The following RHOJ variants were observed in gnomAD, a reference collection of about 807,000 sequenced individuals.
RHOJ encodes the protein rho-related GTP-binding protein RhoJ.
A neutral mutation model predicts 23.4 loss-of-function variants in RHOJ; 11 were observed. The observed-to-expected ratio is 0.47, with a 90% confidence interval of 0.30 to 0.78. The LOEUF is 0.78. Ranked by LOEUF, RHOJ falls within the 30% of genes least tolerant of loss-of-function variation. RHOJ has a pLI of 0.08. For synonymous variants in RHOJ, 102 were observed against 102.7 expected, an observed-to-expected ratio of 0.99 and a Z score of 0.04; for missense variants, 254 against 273.4, an observed-to-expected ratio of 0.93 and a Z score of 0.50.
chr14:63,240,691 C>G (rs1292096765), intron 1 of RHOJ, among the ~76,000 whole-genome samples: 1 of 152,106 alleles, frequency 6.6e-6, no homozygotes, highest in Non-Finnish European at 1.5e-5. Context: ...GTTTTATAAA[C>G]CTGTTATTAA....
At chr14:63,285,824 T>C (rs934791900) in intron 4 of RHOJ, among the ~76,000 whole-genome samples, 4 of 152,162 alleles carry the variant, frequency 2.6e-5, no homozygotes, top group Admixed American at 1.3e-4. Context: ...AGCTCTAAGA[T>C]TGTAATTCTT....
intron 1 of RHOJ, among the ~76,000 whole-genome samples, chr14:63,261,128 GAC>G (rs1895264722): frequency 6.6e-6 from 1 of 152,182 alleles, no homozygotes; most frequent in Non-Finnish European, 1.5e-5. Context: ...CAATTTGAAT[GAC>G]CCAAGGTTGT....
chr14:63,290,868 T>A lies in RHOJ; in HGVS notation c.499-10T>A. 1 of 1,601,682 alleles carries A rather than the reference T, an allele frequency of 6.2e-7. No homozygotes were observed. The highest frequency in any genetic ancestry group is 8.5e-7 in the Non-Finnish European group (1 of 1,174,822). On this transcript the variant is annotated splice_polypyrimidine_tract_variant and intron_variant, in intron 4 of 4. Transcript: ENST00000316754. ...TTATCTCTCATGCCTTTCTCTCTTTTGTGTTTAAGATCGGAGCACAGTGCT... is the reference window on the plus strand; with the variant it reads ...TTATCTCTCATGCCTTTCTCTCTTTAGTGTTTAAGATCGGAGCACAGTGCT...
chr14:63,223,020 A>G (rs1012904901), intron 1 of RHOJ, among the ~76,000 whole-genome samples: 1 of 152,196 alleles, frequency 6.6e-6, no homozygotes, highest in African/African-American at 2.4e-5. Context: ...CAACTCACCT[A>G]TCATTGATGA....
At chr14:63,233,886 C>A (rs374801871) in intron 1 of RHOJ, among the ~76,000 whole-genome samples, 1 of 152,204 alleles carries the variant, frequency 6.6e-6, no homozygotes, top group Non-Finnish European at 1.5e-5. Context: ...AGCTCCCAAC[C>A]GTTCCCAGAA....
At chr14:63,281,485 T>C (rs1340710065) in intron 3 of RHOJ, among the ~76,000 whole-genome samples, 2 of 152,110 alleles carry the variant, frequency 1.3e-5, no homozygotes, top group Non-Finnish European at 2.9e-5. Context: ...TTTTTATATC[T>C]GAAACCCACA....
At chr14:63,258,591 T>A (rs1895221090) in intron 1 of RHOJ, among the ~76,000 whole-genome samples, 1 of 152,134 alleles carries the variant, frequency 6.6e-6, no homozygotes, top group South Asian at 2.1e-4. Context: ...CCACCCAGCT[T>A]CCCTCTCCCC....
chr14:63,276,682 G>A (rs1274194529), intron 2 of RHOJ, among the ~76,000 whole-genome samples: 1 of 152,154 alleles, frequency 6.6e-6, no homozygotes, highest in Non-Finnish European at 1.5e-5. Flanking sequence ...TCAGCTGGAG[G>A]GCCAGGAGGG....
intron 4 of RHOJ, among the ~76,000 whole-genome samples, chr14:63,284,816 C>G (rs977829259): frequency 6.6e-6 from 1 of 152,188 alleles, no homozygotes; most frequent in Admixed American, 6.5e-5. Context: ...CCTAGCCTCA[C>G]TTCTCATTGG....
At chr14:63,239,355 G>A (rs867696803) in intron 1 of RHOJ, among the ~76,000 whole-genome samples, 10 of 151,888 alleles carry the variant, frequency 6.6e-5, no homozygotes, top group South Asian at 2.1e-4. Context: ...CAAGTGATCC[G>A]CCCGCCTCAG....
chr14:63,250,586 C>G (rs1322973598), intron 1 of RHOJ, among the ~76,000 whole-genome samples: 7 of 152,074 alleles, frequency 4.6e-5, no homozygotes, highest in Admixed American at 4.6e-4. Flanking sequence ...TTTTCCTCTG[C>G]CTAGAATGTC....
At chr14:63,243,868 T>C (rs975536999) in intron 1 of RHOJ, among the ~76,000 whole-genome samples, 35 of 152,260 alleles carry the variant, frequency 2.3e-4, no homozygotes, top group East Asian at 7.7e-4. Flanking sequence ...TGAGAGGTCA[T>C]ACACTCTCTT....
In RHOJ at chr14:63,221,611, T is replaced by C. The variant is rs114998343; in HGVS notation, c.178+16564T>C. On this transcript the variant is annotated intron_variant, in intron 1 of 4. Coordinates refer to ENST00000316754, the MANE Select transcript of RHOJ (RefSeq NM_020663.5). ...TGAGAACTGTGTTACGCATCTCCCA[T>C]GGATGTGCCCAAGGAGTTCATTTTA... 8.7e-3 allele frequency among the ~76,000 whole-genome samples: 1,331 copies of C among 152,340 alleles called. 24 individuals carry two copies. The highest frequency in any genetic ancestry group is 0.029 in the African/African-American group (1,225 of 41,578).
At chr14:63,233,151 G>T (rs2139749317) in intron 1 of RHOJ, among the ~76,000 whole-genome samples, 1 of 151,822 alleles carries the variant, frequency 6.6e-6, no homozygotes, top group South Asian at 2.1e-4. Context: ...GCTTGGGAAT[G>T]AAAAAAAAGA....
chr14:63,266,610 C>A (rs1175819836), intron 1 of RHOJ, among the ~76,000 whole-genome samples: 1 of 152,184 alleles, frequency 6.6e-6, no homozygotes, highest in African/African-American at 2.4e-5. Flanking sequence ...TTTCTTCCAG[C>A]AGTGTTTTAT....
chr14:63,230,975 G>A (rs1052422612), intron 1 of RHOJ, among the ~76,000 whole-genome samples: 2 of 148,532 alleles, frequency 1.3e-5, no homozygotes, highest in South Asian at 2.2e-4. Context: ...TGCAACCTCC[G>A]CCTCCTGGGT....
chr14:63,206,938 G>A (rs1164583345), intron 1 of RHOJ, among the ~76,000 whole-genome samples: 4 of 151,988 alleles, frequency 2.6e-5, no homozygotes, highest in African/African-American at 9.7e-5. Flanking sequence ...GTATATAATC[G>A]TCTCATGTGG....
At chr14:63,253,919 G>GT (rs928550590) in intron 1 of RHOJ, among the ~76,000 whole-genome samples, 1 of 152,114 alleles carries the variant, frequency 6.6e-6, no homozygotes, top group Admixed American at 6.5e-5. Flanking sequence ...GGTATGTTCT[G>GT]TTTTTTTCTC....
chr14:63,231,037 C>T (rs530174753), intron 1 of RHOJ, among the ~76,000 whole-genome samples: 37 of 151,854 alleles, frequency 2.4e-4, no homozygotes, highest in African/African-American at 8.5e-4. Flanking sequence ...TACAGGCGCC[C>T]ACCACCATGC....
Sources: gnomAD v4.1 joint callset for allele counts (sites outside exome capture counted in the v4.1 genomes callset) on GRCh38, gnomAD v4.1.1 for gene constraint, MANE v1.5 for transcripts, NCBI Gene and HGNC (gene_info 2026-07-23, HGNC 2026-07-21) for gene names.